Variants in GABRB1 observed in about 807,000 individuals in gnomAD.
The protein encoded by GABRB1 is gamma-aminobutyric acid receptor subunit beta-1.
In GABRB1, 17 loss-of-function variants were observed where a neutral mutation model predicts 51.6. The observed-to-expected ratio is 0.33, with a 90% confidence interval of 0.23 to 0.49. The LOEUF (loss-of-function observed/expected upper bound fraction) is 0.49. Among genes scored for constraint, GABRB1 ranks in the 20% least tolerant of loss-of-function variants. The pLI is 0.99. For synonymous variants in GABRB1, 247 were observed against 218.9 expected (o/e 1.13, Z -1.14); for missense variants, 410 against 600.6 (o/e 0.68, Z 3.32).
At chr4:47,392,499 C>T (rs1371045199) in intron 5 of GABRB1, among the ~76,000 whole-genome samples, 4 of 152,084 alleles carry the variant, frequency 2.6e-5, no homozygotes, top group African/African-American at 7.2e-5. Flanking sequence ...TGCACCACCA[C>T]GCCCAGCTAA....
At chr4:47,349,581 G>T (rs533098556) in intron 5 of GABRB1, among the ~76,000 whole-genome samples, 1 of 152,272 alleles carries the variant, frequency 6.6e-6, no homozygotes, top group Non-Finnish European at 1.5e-5. Flanking sequence ...ATCAGCCTGA[G>T]ACGTGAATCA....
intron 4 of GABRB1, among the ~76,000 whole-genome samples, chr4:47,262,736 C>T (rs1439238632): frequency 6.6e-6 from 1 of 152,080 alleles, no homozygotes; most frequent in Non-Finnish European, 1.5e-5. Flanking sequence ...TATAAAGACA[C>T]ATGCACACAT....
chr4:47,288,098 G>T (rs1723579196), intron 4 of GABRB1, among the ~76,000 whole-genome samples: 1 of 151,980 alleles, frequency 6.6e-6, no homozygotes, highest in African/African-American at 2.4e-5. Flanking sequence ...ACTAATTTTT[G>T]GAGTAATTTG....
chr4:47,012,526 A>G (rs1302220070), intron 1 of GABRB1, among the ~76,000 whole-genome samples: 4 of 152,176 alleles, frequency 2.6e-5, no homozygotes, highest in Non-Finnish European at 2.9e-5. Context: ...AAGGCTTTTT[A>G]TATTAATTTG....
Position 47,042,895 on chromosome 4 carries a change from C to G in GABRB1, c.240+10411C>G, listed in dbSNP as rs1015731144. ...TACCTCATGTATACATAATTTTATC[C>G]TTGCTGCTACATGATCTGTTTTAAA... is the stretch of plus-strand genomic sequence containing the variant. On this transcript the variant is annotated intron_variant, in intron 3 of 8. Transcript: ENST00000295454. 4.6e-5 allele frequency among the ~76,000 whole-genome samples: 7 copies of G among 151,768 alleles called. No homozygotes were observed. The South Asian group carries it at 6.3e-4, about 14-fold the overall frequency.
intron 1 of GABRB1, among the ~76,000 whole-genome samples, chr4:46,997,471 C>T (rs929182154): frequency 4.6e-5 from 7 of 151,038 alleles, no homozygotes; most frequent in Admixed American, 3.3e-4. Flanking sequence ...ACTATAACTT[C>T]GTACGCTTCA....
intron 4 of GABRB1, among the ~76,000 whole-genome samples, chr4:47,272,507 C>T (rs951737749): frequency 6.6e-6 from 1 of 151,804 alleles, no homozygotes; most frequent in Non-Finnish European, 1.5e-5. Context: ...ATTTGTTATA[C>T]TTTATGGTTC....
At chr4:47,339,338 G>A (rs1251214872) in intron 5 of GABRB1, among the ~76,000 whole-genome samples, 1 of 152,140 alleles carries the variant, frequency 6.6e-6, no homozygotes, top group Non-Finnish European at 1.5e-5. Flanking sequence ...TGAAAACCAG[G>A]CATTGAGCTG....
At chr4:47,359,659 T>G (rs1018938298) in intron 5 of GABRB1, among the ~76,000 whole-genome samples, 5 of 152,110 alleles carry the variant, frequency 3.3e-5, no homozygotes, top group Admixed American at 3.3e-4. Context: ...ATGAAGATTT[T>G]CAATCCTTTA....
intron 5 of GABRB1, among the ~76,000 whole-genome samples, chr4:47,331,176 A>T (rs1349316604): frequency 2.0e-5 from 3 of 152,162 alleles, no homozygotes; most frequent in African/African-American, 7.2e-5. Flanking sequence ...ATTTATGTTC[A>T]TAGAAATGTT....
intron 5 of GABRB1, among the ~76,000 whole-genome samples, chr4:47,337,796 C>T (rs2109983331): frequency 7.9e-6 from 1 of 126,966 alleles, no homozygotes. Flanking sequence ...GGCGACAGAG[C>T]CAGACTCTGT....
At chr4:47,003,009 G>T (rs1214564863) in intron 1 of GABRB1, among the ~76,000 whole-genome samples, 1 of 152,190 alleles carries the variant, frequency 6.6e-6, no homozygotes, top group Admixed American at 6.5e-5. Flanking sequence ...ACAGTTTAGA[G>T]TGAGCAAAAG....
At chr4:47,265,021 C>CT (rs1163108604) in intron 4 of GABRB1, among the ~76,000 whole-genome samples, 2 of 152,146 alleles carry the variant, frequency 1.3e-5, no homozygotes, top group Admixed American at 6.5e-5. Context: ...GTCAGGTCAT[C>CT]TTTTTTTAAT....
At chr4:47,369,175 T>G (rs118181952) in intron 5 of GABRB1, among the ~76,000 whole-genome samples, 1 of 152,234 alleles carries the variant, frequency 6.6e-6, no homozygotes, top group Admixed American at 6.5e-5. Flanking sequence ...TCTTAAGAAA[T>G]ATTAAATTTG....
intron 4 of GABRB1, among the ~76,000 whole-genome samples, chr4:47,262,157 C>G (rs1461554921): frequency 4.6e-5 from 7 of 151,450 alleles, no homozygotes; most frequent in South Asian, 2.1e-4. Context: ...TCTAAAACAC[C>G]AAAAGCAATG....
At chr4:47,195,688 A>T (rs1277277250) in intron 4 of GABRB1, among the ~76,000 whole-genome samples, 1 of 152,216 alleles carries the variant, frequency 6.6e-6, no homozygotes, top group Non-Finnish European at 1.5e-5. Context: ...GTATTGATTT[A>T]TTCTCTATTT....
chr4:47,179,279 T>C (rs778737946), intron 4 of GABRB1, among the ~76,000 whole-genome samples: 2 of 152,140 alleles, frequency 1.3e-5, no homozygotes, highest in African/African-American at 2.4e-5. Context: ...TCCATGTCCC[T>C]GCAAAGGACA....
Position 47,320,116 on chromosome 4 carries a change from C to T in GABRB1, c.462-11C>T, listed in dbSNP as rs1725023760. On this transcript the variant is annotated splice_polypyrimidine_tract_variant and intron_variant, in intron 4 of 8. Transcript: ENST00000295454. ...TGTAATGTTTTCTTTTTTCTCTCTCCTCTCTATCAGAATCACAACCACAGC... is the reference window on the plus strand; with the variant it reads ...TGTAATGTTTTCTTTTTTCTCTCTCTTCTCTATCAGAATCACAACCACAGC... The T allele has an allele frequency of 1.9e-6, 3 of 1,550,172 alleles. No individual in the cohort carries two copies. Among genetic ancestry groups the T allele is most frequent in the East Asian group, 2.2e-5 (1 of 44,540 alleles).
chr4:47,259,452 T>C (rs1722338612), intron 4 of GABRB1, among the ~76,000 whole-genome samples: 1 of 152,202 alleles, frequency 6.6e-6, no homozygotes, highest in South Asian at 2.1e-4. Flanking sequence ...ATGTTTATAG[T>C]ATACTTTTGC....
Sources: allele counts gnomAD v4.1 joint callset (sites outside exome capture counted in the v4.1 genomes callset), GRCh38; gene constraint gnomAD v4.1.1; transcripts MANE v1.5; gene names NCBI Gene and HGNC (gene_info 2026-07-23, HGNC 2026-07-21).